The following PCAT7 variants were observed in gnomAD, a reference collection of about 807,000 sequenced individuals.
The protein encoded by PCAT7 is prostate cancer associated transcript 7 (non-protein coding).
chr9:94,569,525 A>G (rs1320694596), intron 2 of PCAT7: 1 of 152,284 alleles, frequency 6.6e-6, no homozygotes, highest in East Asian at 1.9e-4. Flanking sequence ...CCTTACGTTG[A>G]TCCACTCCTG....
chr9:94,560,035 G>A (rs1827073887), intron 2 of PCAT7, among the ~76,000 whole-genome samples: 1 of 152,204 alleles, frequency 6.6e-6, no homozygotes, highest in South Asian at 2.1e-4. Context: ...TGAAGTGGGA[G>A]GATCAACTGA....
At chr9:94,565,138 C>T (rs1188223820) in intron 2 of PCAT7, among the ~76,000 whole-genome samples, 1 of 152,070 alleles carries the variant, frequency 6.6e-6, no homozygotes, top group African/African-American at 2.4e-5. Context: ...TTTTGGGAGG[C>T]CAAGGCAGGT....
chr9:94,559,518 G>T (rs1343946316), intron 2 of PCAT7, among the ~76,000 whole-genome samples: 2 of 149,616 alleles, frequency 1.3e-5, no homozygotes, highest in Non-Finnish European at 2.9e-5. Flanking sequence ...CTCAAGGCTG[G>T]TAAAGAGTCA....
intron 2 of PCAT7, among the ~76,000 whole-genome samples, chr9:94,565,109 C>G (rs1247808914): frequency 1.3e-5 from 2 of 152,064 alleles, no homozygotes; most frequent in Non-Finnish European, 2.9e-5. Context: ...CATGGTGGTT[C>G]ACGCCTGTAA....
chr9:94,567,946 G>A (rs1426741784), intron 2 of PCAT7: 1 of 152,498 alleles, frequency 6.6e-6, no homozygotes, highest in Non-Finnish European at 1.5e-5. Context: ...GGCTAACATG[G>A]TGAAACCCCG....
At chr9:94,555,513 G>T (rs939927870) in intron 1 of PCAT7, among the ~76,000 whole-genome samples, 1 of 150,676 alleles carries the variant, frequency 6.6e-6, no homozygotes, top group Admixed American at 6.6e-5. Flanking sequence ...GCAGAAAGAC[G>T]GTGGGTAGAA....
chr9:94,563,573 C>T (rs1177522606), intron 2 of PCAT7: 4 of 1,143,556 alleles, frequency 3.5e-6, no homozygotes, highest in Admixed American at 4.4e-5. Flanking sequence ...AATCCCTATC[C>T]TCCACCCACT....
chr9:94,573,844 T>C (rs1417617000), intron 3 of PCAT7, among the ~76,000 whole-genome samples: 4 of 152,244 alleles, frequency 2.6e-5, no homozygotes, highest in Non-Finnish European at 2.9e-5. Context: ...ATAAAATGAA[T>C]TGGGAAGTGT....
chr9:94,563,329 A>G (rs1827136977), intron 2 of PCAT7: 13 of 1,613,312 alleles, frequency 8.1e-6, no homozygotes, highest in Non-Finnish European at 1.1e-5. Flanking sequence ...GCCAGTGGAC[A>G]AGGGAGAATT....
At chr9:94,562,822 T>C (rs1260580705) in intron 2 of PCAT7, among the ~76,000 whole-genome samples, 1 of 152,222 alleles carries the variant, frequency 6.6e-6, no homozygotes, top group African/African-American at 2.4e-5. Flanking sequence ...TTTCCAGATA[T>C]ATTGGCTGAG....
rs115648140 is a variant in PCAT7 at position 94,563,024 on chromosome 9, G to C, written n.441+3872G>C. ...AGGGACCATCATCCCAGATCAGCTG[G>C]TGCTGAAGCTAAAAGTCAGATGCAG... On this transcript the variant is annotated intron_variant and non_coding_transcript_variant, in intron 2 of 8. Coordinates refer to ENST00000647389, the Ensembl canonical transcript of PCAT7. 2.8e-3 allele frequency among the ~76,000 whole-genome samples: 422 copies of C among 152,318 alleles called. 1 individual carries two copies. Among genetic ancestry groups the C allele is most frequent in the African/African-American group, 9.7e-3 (405 of 41,572 alleles).
chr9:94,570,969 G>GT (rs1418245004), intron 2 of PCAT7: 1 of 152,384 alleles, frequency 6.6e-6, no homozygotes, highest in Non-Finnish European at 1.5e-5. Flanking sequence ...TGAACAAGAG[G>GT]TTTTGACGTG....
chr9:94,559,545 T>G (rs1587834108), intron 2 of PCAT7, among the ~76,000 whole-genome samples: 1 of 149,888 alleles, frequency 6.7e-6, no homozygotes, highest in East Asian at 1.9e-4. Context: ...GATGGGACAG[T>G]AAGGTCACCT....
At chr9:94,563,408 C>T in intron 2 of PCAT7, 1 of 1,613,982 alleles carries the variant, frequency 6.2e-7, no homozygotes, top group African/African-American at 1.3e-5. Flanking sequence ...GGGTGCGGTG[C>T]ACGTCAGCCA....
At chr9:94,565,232 G>A (rs1006870638) in intron 2 of PCAT7, among the ~76,000 whole-genome samples, 1 of 151,914 alleles carries the variant, frequency 6.6e-6, no homozygotes, top group Non-Finnish European at 1.5e-5. Context: ...AATATTAGCT[G>A]GGCATGGTGG....
chr9:94,571,660 G>C, intron 2 of PCAT7: 1 of 1,494,360 alleles, frequency 6.7e-7, no homozygotes, highest in Middle Eastern at 1.8e-4. Context: ...AGAACACTTT[G>C]CCAGGGGCCT....
chr9:94,563,508 T>A, intron 2 of PCAT7: 4 of 1,591,328 alleles, frequency 2.5e-6, no homozygotes, highest in Non-Finnish European at 2.6e-6. Context: ...CTTTCAGGAT[T>A]AGCCAGCACC....
intron 1 of PCAT7, among the ~76,000 whole-genome samples, chr9:94,556,795 C>CT (rs1274773737): frequency 1.3e-5 from 2 of 152,106 alleles, no homozygotes; most frequent in East Asian, 3.8e-4. Flanking sequence ...CCTATGTTTT[C>CT]TTCTCTGGTA....
chr9:94,554,936 C>T (rs1488448006), upstream of PCAT7: 1 of 152,164 alleles, frequency 6.6e-6, no homozygotes, highest in African/African-American at 2.4e-5. Context: ...GTTAGGAGAC[C>T]CTGGACTACA....
Sources: gnomAD v4.1 joint callset for allele counts (sites outside exome capture counted in the v4.1 genomes callset) on GRCh38, gnomAD v4.1.1 for gene constraint, MANE v1.5 for transcripts, NCBI Gene and HGNC (gene_info 2026-07-23, HGNC 2026-07-21) for gene names.